Variants in PREX2 observed in about 807,000 individuals in gnomAD.
The protein encoded by PREX2 is phosphatidylinositol 3,4,5-trisphosphate-dependent Rac exchanger 2 protein.
PREX2 carries 107 observed loss-of-function variants against 203.2 expected under a neutral mutation model. The ratio of observed to expected loss-of-function variants is 0.53; its 90% CI spans 0.45 to 0.62. PREX2 has a LOEUF of 0.62. Among genes scored for constraint, PREX2 ranks in the 20% least tolerant of loss-of-function variants. The pLI, the probability that PREX2 is intolerant of heterozygous loss-of-function variation, is 0.00. For synonymous variants in PREX2, 672 were observed against 663.6 expected, an observed-to-expected ratio of 1.01 and a Z score of -0.19; for missense variants, 1,777 against 1,955.9, an observed-to-expected ratio of 0.91 and a Z score of 1.72.
chr8:68,199,113 C>G (rs1320516551), intron 37 of PREX2, among the ~76,000 whole-genome samples: 1 of 150,500 alleles, frequency 6.6e-6, no homozygotes, highest in Non-Finnish European at 1.5e-5. Flanking sequence ...GTGGCACCAT[C>G]AAGAAGGCCT....
At chr8:68,118,056 C>T (rs138876407) in intron 26 of PREX2, among the ~76,000 whole-genome samples, 3 of 151,974 alleles carry the variant, frequency 2.0e-5, no homozygotes, top group African/African-American at 7.2e-5. Flanking sequence ...ATAATTGAAT[C>T]AAAAATATGC....
intron 1 of PREX2, among the ~76,000 whole-genome samples, chr8:68,012,216 T>C (rs1411195685): frequency 6.6e-6 from 1 of 152,204 alleles, no homozygotes; most frequent in Non-Finnish European, 1.5e-5. Context: ...TCAAATAGAA[T>C]ACACTATAAC....
At chr8:68,054,852 C>T (rs1381367172) in intron 9 of PREX2, among the ~76,000 whole-genome samples, 1 of 152,198 alleles carries the variant, frequency 6.6e-6, no homozygotes, top group Non-Finnish European at 1.5e-5. Context: ...GATGCCTTTG[C>T]CCAATACACC....
intron 15 of PREX2, among the ~76,000 whole-genome samples, chr8:68,077,812 G>C (rs1005332822): frequency 6.6e-6 from 1 of 151,964 alleles, no homozygotes; most frequent in African/African-American, 2.4e-5. Flanking sequence ...TTAGACTTAT[G>C]GTTTTATTTT....
intron 1 of PREX2, among the ~76,000 whole-genome samples, chr8:67,965,083 T>C (rs978926132): frequency 6.6e-6 from 1 of 152,152 alleles, no homozygotes; most frequent in Non-Finnish European, 1.5e-5. Flanking sequence ...GAACAGTAGT[T>C]CATTTCAGGC....
At chr8:68,058,940 G>GA (rs1220701734) in intron 10 of PREX2, among the ~76,000 whole-genome samples, 1 of 152,046 alleles carries the variant, frequency 6.6e-6, no homozygotes, top group African/African-American at 2.4e-5. Flanking sequence ...TGCAGCAATA[G>GA]AAAACGAATG....
At chr8:68,025,225 T>G (rs997711116) in intron 4 of PREX2, among the ~76,000 whole-genome samples, 1 of 151,924 alleles carries the variant, frequency 6.6e-6, no homozygotes, top group Non-Finnish European at 1.5e-5. Context: ...TCTGCGAATG[T>G]CTTTATTTTG....
At chr8:67,988,495 A>G (rs1806501802) in intron 1 of PREX2, among the ~76,000 whole-genome samples, 2 of 152,322 alleles carry the variant, frequency 1.3e-5, no homozygotes, top group South Asian at 2.1e-4. Context: ...CCGAGGTCCT[A>G]CAACTGAGAG....
chr8:68,006,167 C>T (rs920648012), intron 1 of PREX2, among the ~76,000 whole-genome samples: 1 of 152,164 alleles, frequency 6.6e-6, no homozygotes, highest in Non-Finnish European at 1.5e-5. Flanking sequence ...CCCCAACTGC[C>T]CTGGTGCAGC....
chr8:68,204,560 C>G (rs112708293), intron 37 of PREX2, among the ~76,000 whole-genome samples: 5 of 151,954 alleles, frequency 3.3e-5, no homozygotes, highest in African/African-American at 1.2e-4. Context: ...TGTCTGCGGC[C>G]AGGATCAGAT....
chr8:68,045,854 A>G (rs1323376064), intron 8 of PREX2, among the ~76,000 whole-genome samples: 1 of 152,102 alleles, frequency 6.6e-6, no homozygotes, highest in Non-Finnish European at 1.5e-5. Context: ...GGATGTACAC[A>G]TTATTTTTTA....
intron 26 of PREX2, among the ~76,000 whole-genome samples, chr8:68,116,313 C>CT (rs1052780025): frequency 2.6e-5 from 4 of 152,208 alleles, no homozygotes; most frequent in East Asian, 1.9e-4. Context: ...TCTTTTGGCT[C>CT]TTTTTTCTCT....
At chr8:67,976,692 CAG>C (rs143882414) in intron 1 of PREX2, among the ~76,000 whole-genome samples, 6 of 60,744 alleles carry the variant, frequency 9.9e-5, no homozygotes, top group African/African-American at 1.7e-4. Context: ...AGGAGAGAGA[CAG>C]AGAGAGAGAG....
chr8:67,954,761 T>TC (rs1805446712), intron 1 of PREX2, among the ~76,000 whole-genome samples: 1 of 152,326 alleles, frequency 6.6e-6, no homozygotes, highest in East Asian at 1.9e-4. Context: ...GGATGACTAA[T>TC]CTTTATTAGG....
intron 38 of PREX2, 33 bp downstream of exon 38, chr8:68,217,751 T>C: frequency 1.4e-6 from 2 of 1,479,296 alleles, no homozygotes; most frequent in South Asian, 2.3e-5. Context: ...AATAGTTGTT[T>C]TGTAGGCCCT....
chr8:68,108,312 A>C lies in PREX2; in HGVS notation c.2919A>C (p.Glu973Asp). The change falls in exon 24 of 40, where the codon GAA becomes GAC. Residue 973 changes from glutamate (E) to aspartate (D), a missense_variant. Glu to Asp is a conservative substitution (Grantham distance 45). Transcript: ENST00000288368. ...DSRKHNSHDK[E>D]NKSSEQGKLS... ...GGAAGCATAATTCTCATGATAAAGA[A>C]AACAAATCTTCGGAGCAAGGTATGC... 2 of 1,613,498 alleles carry C rather than the reference A, an allele frequency of 1.2e-6. No individual in the cohort carries two copies. The highest frequency in any genetic ancestry group is 8.5e-7 in the Non-Finnish European group (1 of 1,179,622).
rs1811909021 is a variant in PREX2, at chr8:68,172,996, T to C, written c.4346+15560T>C. On this transcript the variant is annotated intron_variant, in intron 35 of 39. Coordinates refer to ENST00000288368, the MANE Select transcript of PREX2 (RefSeq NM_024870.4). ...TATAGCTTCAGCTGGAATTAATCAA[T>C]CACTCTCTTCTTTAAAACCTAATAA... Among the ~76,000 whole-genome samples, 4 of 152,312 alleles carry C rather than the reference T, an allele frequency of 2.6e-5. No individual in the cohort carries two copies. In the South Asian group the frequency reaches 8.3e-4, roughly 32 times the overall value.
At chr8:68,139,239 T>A (rs940841703) in intron 33 of PREX2, among the ~76,000 whole-genome samples, 4 of 152,112 alleles carry the variant, frequency 2.6e-5, no homozygotes, top group African/African-American at 9.7e-5. Context: ...GATGGAAGGT[T>A]GCAGATAATG....
intron 33 of PREX2, among the ~76,000 whole-genome samples, chr8:68,139,804 T>G (rs1811190186): frequency 6.6e-6 from 1 of 152,184 alleles, no homozygotes; most frequent in Admixed American, 6.5e-5. Flanking sequence ...AAGTTAGAAA[T>G]TTAGGTTATA....
Sources: gnomAD v4.1 joint callset for allele counts (sites outside exome capture counted in the v4.1 genomes callset) on GRCh38, gnomAD v4.1.1 for gene constraint, MANE v1.5 for transcripts, NCBI Gene and HGNC (gene_info 2026-07-23, HGNC 2026-07-21) for gene names.